The following SGCD variants were observed in gnomAD, a reference collection of about 807,000 sequenced individuals.
SGCD encodes delta-sarcoglycan.
A neutral mutation model predicts 36.6 loss-of-function variants in SGCD; 18 were observed. That is an observed-to-expected ratio of 0.49 (90% CI 0.34 to 0.73). The LOEUF (loss-of-function observed/expected upper bound fraction) is 0.73. Ranked by LOEUF, SGCD falls within the 30% of genes least tolerant of loss-of-function variation. SGCD has a pLI of 0.01. For missense variants in SGCD, 387 were observed against 346.7 expected, an observed-to-expected ratio of 1.12 and a Z score of -0.92; for synonymous variants, 133 against 130.6, an observed-to-expected ratio of 1.02 and a Z score of -0.12.
At chr5:155,812,207 T>C in the SGCD span, among the ~76,000 whole-genome samples, 7 of 152,218 alleles carry the variant, frequency 4.6e-5, no homozygotes, top group Admixed American at 4.6e-4. Context: ...CCCTATGTTA[T>C]ACATATGGAC....
chr5:156,005,310 T>C (rs1758734990), intron 1 of SGCD, among the ~76,000 whole-genome samples: 1 of 152,176 alleles, frequency 6.6e-6, no homozygotes, highest in Non-Finnish European at 1.5e-5. Flanking sequence ...TTAGGACAGC[T>C]TTGGCCAAGT....
chr5:156,435,717 C>T (rs565393883), intron 3 of SGCD, among the ~76,000 whole-genome samples: 1 of 152,252 alleles, frequency 6.6e-6, no homozygotes, highest in East Asian at 1.9e-4. Context: ...TGCTAATATG[C>T]ATGGGCTACT....
At chr5:156,180,573 G>T (rs1194545253) in intron 3 of SGCD, among the ~76,000 whole-genome samples, 5 of 151,964 alleles carry the variant, frequency 3.3e-5, no homozygotes, top group African/African-American at 9.7e-5. Context: ...ATAATGGAGG[G>T]GCCAGGGGAA....
chr5:156,037,294 G>T (rs922161350), intron 1 of SGCD, among the ~76,000 whole-genome samples: 1 of 152,204 alleles, frequency 6.6e-6, no homozygotes, highest in Non-Finnish European at 1.5e-5. Context: ...AGTGGCATGT[G>T]CAAAGGCCCT....
intron 3 of SGCD, among the ~76,000 whole-genome samples, chr5:156,503,203 A>G (rs1756530408): frequency 6.6e-6 from 1 of 152,044 alleles, no homozygotes; most frequent in Non-Finnish European, 1.5e-5. Flanking sequence ...TTGGCTGGGT[A>G]CCTCCTATGT....
At chr5:156,317,203 G>T (rs1767540394) in intron 3 of SGCD, among the ~76,000 whole-genome samples, 1 of 152,066 alleles carries the variant, frequency 6.6e-6, no homozygotes, top group Non-Finnish European at 1.5e-5. Context: ...AGTAATATCT[G>T]CTAATATTTG....
chr5:155,901,953 C>G (rs1236096932), intron 1 of SGCD, among the ~76,000 whole-genome samples: 2 of 152,168 alleles, frequency 1.3e-5, no homozygotes, highest in Non-Finnish European at 1.5e-5. Context: ...CATAACTATT[C>G]ATAGATTTCC....
chr5:156,196,676 C>G (rs1835915), intron 3 of SGCD, among the ~76,000 whole-genome samples: 47,030 of 152,062 alleles, frequency 0.31, 7,757 homozygotes, highest in East Asian at 0.6. Context: ...CCTTAAGCCA[C>G]CCAGCACTTG....
At chr5:156,329,929 A>G (rs1006874268) in intron 2 of SGCD, among the ~76,000 whole-genome samples, 2 of 146,798 alleles carry the variant, frequency 1.4e-5, no homozygotes, top group African/African-American at 5.1e-5. Flanking sequence ...ATGCAGGAGA[A>G]TGGCGTGAAC....
At chr5:156,306,822 C>T (rs1280110814) in intron 3 of SGCD, among the ~76,000 whole-genome samples, 1 of 152,166 alleles carries the variant, frequency 6.6e-6, no homozygotes, top group East Asian at 1.9e-4. Context: ...ATTTGGCCAT[C>T]TTGCTCTGTC....
chr5:156,203,090 A>G (rs1764191437), intron 3 of SGCD, among the ~76,000 whole-genome samples: 1 of 152,136 alleles, frequency 6.6e-6, no homozygotes, highest in African/African-American at 2.4e-5. Flanking sequence ...AATTAAGAAT[A>G]TCCCAGAATT....
chr5:156,122,863 A>T (rs1762079235), intron 2 of SGCD, among the ~76,000 whole-genome samples: 1 of 84,762 alleles, frequency 1.2e-5, no homozygotes, highest in South Asian at 3.2e-4. Flanking sequence ...AAAAAAAAAA[A>T]AAAAAAAAAA....
At chr5:155,888,460 C>A (rs1756054186) in intron 1 of SGCD, among the ~76,000 whole-genome samples, 1 of 152,090 alleles carries the variant, frequency 6.6e-6, no homozygotes, top group Non-Finnish European at 1.5e-5. Flanking sequence ...ACACATTTAT[C>A]CAATATAGAT....
intron 3 of SGCD, among the ~76,000 whole-genome samples, chr5:156,370,989 A>C (rs1373303072): frequency 2.0e-5 from 3 of 152,156 alleles, no homozygotes; most frequent in African/African-American, 7.2e-5. Flanking sequence ...GGAAAAAAAA[A>C]CAGTGATGTT....
intron 3 of SGCD, among the ~76,000 whole-genome samples, chr5:156,181,142 T>C (rs753373450): frequency 1.3e-5 from 2 of 152,228 alleles, no homozygotes; most frequent in Non-Finnish European, 2.9e-5. Flanking sequence ...AGCTTATTTC[T>C]GAGGCCTTTC....
At chr5:156,657,318 C>T (rs1763728331) in intron 7 of SGCD, among the ~76,000 whole-genome samples, 1 of 151,330 alleles carries the variant, frequency 6.6e-6, no homozygotes, top group African/African-American at 2.4e-5. Flanking sequence ...CATATGTATA[C>T]ATGTGCCATG....
rs1487159164 is a variant in SGCD at position 156,481,514 on chromosome 5, CA to C, written c.193-27080del. Among the ~76,000 whole-genome samples the C allele has an allele frequency of 5.9e-5, 9 of 152,048 alleles. No homozygotes were observed. In the East Asian group the frequency reaches 1.4e-3, roughly 23 times the overall value. On this transcript the variant is annotated intron_variant, in intron 3 of 8. Transcript: ENST00000337851. ...TTTTATTGAATACACTTTGTGGATC[CA>C]AAAAAACTACATCTGCCAGCCCAAA...
chr5:156,467,674 T>G (rs1423358262), intron 3 of SGCD, among the ~76,000 whole-genome samples: 6 of 152,354 alleles, frequency 3.9e-5, no homozygotes, highest in African/African-American at 1.4e-4. Flanking sequence ...ATCAAGCACT[T>G]GCTTAAAGAG....
At chr5:156,075,276 G>A (rs1445400105) in intron 1 of SGCD, among the ~76,000 whole-genome samples, 1 of 151,834 alleles carries the variant, frequency 6.6e-6, no homozygotes, top group African/African-American at 2.4e-5. Context: ...TGATGCAAAG[G>A]TGAAATACAT....
Sources: gnomAD v4.1 joint callset for allele counts (sites outside exome capture counted in the v4.1 genomes callset) on GRCh38, gnomAD v4.1.1 for gene constraint, MANE v1.5 for transcripts, NCBI Gene and HGNC (gene_info 2026-07-23, HGNC 2026-07-21) for gene names.